BRPF1: variants seen among roughly 807,000 people sequenced by gnomAD.
The protein encoded by BRPF1 is peregrin.
A neutral mutation model predicts 115.0 loss-of-function variants in BRPF1; 15 were observed. The observed-to-expected ratio is 0.13, with a 90% CI of 0.09 to 0.20. The LOEUF (loss-of-function observed/expected upper bound fraction) is 0.20. Ranked by LOEUF, BRPF1 falls within the 10% of genes least tolerant of loss-of-function variation. BRPF1 has a pLI of 1.00. For missense variants in BRPF1, 1,118 were observed against 1,638.3 expected (o/e 0.68, Z 5.48); for synonymous variants, 647 against 619.8 (o/e 1.04, Z -0.65).
At chr3:9,741,722 G>A (rs12498111) in intron 5 of BRPF1, among the ~76,000 whole-genome samples, 4,684 of 152,142 alleles carry the variant, frequency 0.031, 103 homozygotes, top group Middle Eastern at 0.066. Flanking sequence ...CTGGAGTCAG[G>A]TCTCCTGGTG....
chr3:9,738,588 C>A (rs921055912), intron 2 of BRPF1, among the ~76,000 whole-genome samples: 3 of 152,118 alleles, frequency 2.0e-5, no homozygotes, highest in Non-Finnish European at 2.9e-5. Flanking sequence ...CTTCCTTCTT[C>A]CCCGATTCTT....
At position 9,747,113 on chromosome 3, in the gene BRPF1, C is replaced by T. The variant is rs2077141195; in HGVS notation, c.3480-53C>T. The T allele has an allele frequency of 1.9e-5, 30 of 1,596,692 alleles. No individual in the cohort carries two copies. Among genetic ancestry groups the T allele is most frequent in the Non-Finnish European group, 2.4e-5 (28 of 1,167,590 alleles). Reference sequence around the variant, plus strand: ...TGTTTGAGTGAATAGAGGAGGAAGGCTGGTCCTTGTTCTCCCTGAGATGAT... The same window carrying T: ...TGTTTGAGTGAATAGAGGAGGAAGGTTGGTCCTTGTTCTCCCTGAGATGAT... On this transcript the variant is annotated intron_variant, in intron 13 of 13. Coordinates refer to ENST00000383829, the MANE Select transcript of BRPF1 (RefSeq NM_001003694.2). This position sits in a 1 kb window ranked among gnomAD's most constrained non-coding sequence, Gnocchi z 5.6.
chr3:9,742,958 A>G lies in BRPF1; in HGVS notation c.2016A>G (p.Leu672=). Residue 672 remains leucine (L), a synonymous_variant, in exon 7 of 14, where the codon CTA becomes CTG. Transcript: ENST00000383829. Reference sequence around the variant, plus strand: ...TGCCCTTCCAGGTACCTGACTACCTAGACCACATCAAAAAGCCCATGGACT... The same window carrying G: ...TGCCCTTCCAGGTACCTGACTACCTGGACCACATCAAAAAGCCCATGGACT... ...VTELDEVPDY[L]DHIKKPMDFF... 6.2e-7 allele frequency: 1 copy of G among 1,614,102 alleles called. No homozygotes were observed. The highest frequency in any genetic ancestry group is 1.1e-5 in the South Asian group (1 of 91,074).
intron 3 of BRPF1, among the ~76,000 whole-genome samples, chr3:9,740,351 A>G (rs1559660950): frequency 6.6e-6 from 1 of 152,220 alleles, no homozygotes; most frequent in African/African-American, 2.4e-5. Flanking sequence ...ACTGCTGCTC[A>G]TTTGGGCTGT....
chr3:9,739,151 G>A lies in BRPF1; in HGVS notation c.752G>A (p.Arg251Gln), dbSNP rs771233339. 1 of 1,613,986 alleles carries A rather than the reference G, an allele frequency of 6.2e-7. No individual in the cohort carries two copies. Reference sequence around the variant, plus strand: ...GAGATCTTTGAGTACCTAATGGACCGACTGGAGAAGGAGTCGTACTTTGAG... The same window carrying A: ...GAGATCTTTGAGTACCTAATGGACCAACTGGAGAAGGAGTCGTACTTTGAG... ...PQEIFEYLMD[R>Q]LEKESYFESH... is the part of the protein sequence containing the mutation. The change falls in exon 3 of 14, where the codon CGA becomes CAA. Residue 251 changes from arginine (R) to glutamine (Q), a missense_variant. By Grantham distance (43) the Arg-to-Gln change is conservative. Transcript: ENST00000383829.
Position 9,734,850 on chromosome 3 carries a change from A to G in BRPF1, c.599+111A>G, listed in dbSNP as rs939832264. On this transcript the variant is annotated intron_variant, in intron 2 of 13. Coordinates refer to ENST00000383829, the MANE Select transcript of BRPF1 (RefSeq NM_001003694.2). The surrounding 1 kb of genome is among the most constrained non-coding windows in gnomAD (Gnocchi z 5.7). Reference sequence around the variant, plus strand: ...AGTGACAGGAATAAAGAATAGTGAAAGAACACTGATTTTGCCAGGGCAGTG... The same window carrying G: ...AGTGACAGGAATAAAGAATAGTGAAGGAACACTGATTTTGCCAGGGCAGTG... The G allele has an allele frequency of 1.2e-5, 17 of 1,395,524 alleles. No homozygotes were observed. Among genetic ancestry groups the G allele is most frequent in the African/African-American group, 4.3e-5 (3 of 69,770 alleles). The allele number at this position is 1,395,524 out of a possible 1,614,324, so 86.4% of individuals were successfully genotyped here. A position where few individuals can be genotyped will look rare whatever the true frequency, so the allele number is the denominator to read the frequency against.
intron 3 of BRPF1, 101 bp downstream of exon 3, chr3:9,740,059 C>G: frequency 8.3e-6 from 12 of 1,437,216 alleles, no homozygotes; most frequent in Non-Finnish European, 1.1e-5. Context: ...GGCTATCTTC[C>G]CAGGAGCTGC....
rs150134463 is a variant in BRPF1 at position 9,734,412 on chromosome 3, G to T, written c.272G>T (p.Ser91Ile). 2 of 1,614,024 alleles carry T rather than the reference G, an allele frequency of 1.2e-6. No homozygotes were observed. Among genetic ancestry groups the T allele is most frequent in the African/African-American group, 2.7e-5 (2 of 74,896 alleles). Reference sequence around the variant, plus strand: ...CAGTCACCAGGCCGTGAGGTGATGAGCTATGCACAGGCCCAGCGCATGGTG... The same window carrying T: ...CAGTCACCAGGCCGTGAGGTGATGATCTATGCACAGGCCCAGCGCATGGTG... ...VSQSPGREVMSYAQAQRMVEV... is the reference protein window; with the variant it reads ...VSQSPGREVMIYAQAQRMVEV... Residue 91 changes from serine to isoleucine, a missense_variant, in exon 2 of 14, where the codon AGC becomes ATC. Coordinates refer to ENST00000383829, the MANE Select transcript of BRPF1 (RefSeq NM_001003694.2). The surrounding 1 kb of genome is among the most constrained non-coding windows in gnomAD (Gnocchi z 5.7).
chr3:9,744,202 C>T (rs1575164967), intron 8 of BRPF1, 22 bp from the exon 9 acceptor site: 1 of 1,515,690 alleles, frequency 6.6e-7, no homozygotes, highest in Non-Finnish European at 8.8e-7. Flanking sequence ...ACCAACTCTC[C>T]TTCTTTCTTT....
intron 4 of BRPF1, 30 bp from the exon 5 acceptor site, chr3:9,741,278 C>A: frequency 6.5e-7 from 1 of 1,537,704 alleles, no homozygotes; most frequent in South Asian, 1.2e-5. Context: ...GCTTTCTAAT[C>A]ATCCTCTGAT....
Position 9,740,215 on chromosome 3 carries a change from TTTG to T in BRPF1, c.1559+260_1559+262del, listed in dbSNP as rs1391129317. 1.2e-4 allele frequency among the ~76,000 whole-genome samples: 18 copies of T among 152,148 alleles called. 1 individual carries two copies. The highest frequency in any genetic ancestry group is 4.3e-4 in the African/African-American group (18 of 41,420). The stretch of plus-strand genomic sequence containing the variant: ...ACTGCCCTTCATTTTGATGGTGTGG[TTTG>T]TTAAGTTGGGATGGAAGAGGATGGA... On this transcript the variant is annotated intron_variant, in intron 3 of 13. Coordinates refer to ENST00000383829, the MANE Select transcript of BRPF1 (RefSeq NM_001003694.2).
chr3:9,743,574 CT>C lies in BRPF1; in HGVS notation c.2312-3del, dbSNP rs1412105100. 6.2e-6 allele frequency: 10 copies of C among 1,610,488 alleles called. No homozygotes were observed. Among genetic ancestry groups the C allele is most frequent in the Non-Finnish European group, 8.5e-6 (10 of 1,177,860 alleles). On this transcript the variant is annotated splice_polypyrimidine_tract_variant and splice_region_variant and intron_variant, in intron 7 of 13. Coordinates refer to ENST00000383829, the MANE Select transcript of BRPF1 (RefSeq NM_001003694.2). The surrounding 1 kb of genome is among the most constrained non-coding windows in gnomAD (Gnocchi z 6.1). Reference sequence around the variant, plus strand: ...TGACCTTTCCCCTCCAACCCTACCCCTAGCAGCCGAGGAAGAGCGGCTGGTC... The same window carrying C: ...TGACCTTTCCCCTCCAACCCTACCCCAGCAGCCGAGGAAGAGCGGCTGGTC...
At chr3:9,737,463 A>G (rs898295364) in intron 2 of BRPF1, among the ~76,000 whole-genome samples, 4 of 152,332 alleles carry the variant, frequency 2.6e-5, no homozygotes, top group Admixed American at 1.3e-4. Flanking sequence ...TAGCATCACC[A>G]CTTTACAGAT....
chr3:9,745,578 C>G lies in BRPF1; in HGVS notation c.3074C>G (p.Thr1025Arg). The G allele has an allele frequency of 6.2e-7, 1 of 1,614,144 alleles. No homozygotes were observed. Among genetic ancestry groups the G allele is most frequent in the Non-Finnish European group, 8.5e-7 (1 of 1,179,962 alleles). ...SSAASDRTST[T>R]PSKQGRGKPS... The stretch of plus-strand genomic sequence containing the variant: ...TCCCATTGTCTTGTCCACAGCACAA[C>G]GCCCTCAAAACAAGGCCGGGGCAAA... Residue 1025 changes from threonine to arginine, a missense_variant, in exon 11 of 14, where the codon ACG (threonine) becomes AGG (arginine). Transcript: ENST00000383829. This position sits in a 1 kb window ranked among gnomAD's most constrained non-coding sequence, Gnocchi z 5.1.
chr3:9,732,390 C>T (rs992719970), intron 1 of BRPF1: 2 of 152,212 alleles, frequency 1.3e-5, no homozygotes, highest in African/African-American at 4.8e-5. Context: ...CCGCCGCATC[C>T]GGAGAGTGGG....
Position 9,739,912 on chromosome 3 carries a change from C to A in BRPF1, c.1513C>A (p.Arg505=). 6.3e-7 allele frequency: 1 copy of A among 1,581,150 alleles called. No homozygotes were observed. Among genetic ancestry groups the A allele is most frequent in the Non-Finnish European group, 8.6e-7 (1 of 1,163,948 alleles). The change falls in exon 3 of 14, where the codon CGG becomes AGG. Residue 505 remains arginine (R), a synonymous_variant. Coordinates refer to ENST00000383829, the MANE Select transcript of BRPF1 (RefSeq NM_001003694.2). ...GGCACGGAAGATCCTGGCAGAGAAGCGGGCAGCAGCACCTGTGGTGTCAGT... is the reference window on the plus strand; with the variant it reads ...GGCACGGAAGATCCTGGCAGAGAAGAGGGCAGCAGCACCTGTGGTGTCAGT... ...KKARKILAEK[R]AAAPVVSVPC... is the part of the protein sequence containing the mutation.
Position 9,734,131 on chromosome 3 carries a change from A to T in BRPF1, c.-10A>T. ...ATGTTAACTGATCTGTGTATTCTAG[A>T]TGTGACAGCATGGGGGTGGACTTTG... On this transcript the variant is annotated splice_region_variant and 5_prime_UTR_variant, in exon 2 of 14. An upstream start codon of the reference 5' UTR is lost. Transcript: ENST00000383829. This position sits in a 1 kb window ranked among gnomAD's most constrained non-coding sequence, Gnocchi z 5.7. 1 of 1,592,388 alleles carries T rather than the reference A, an allele frequency of 6.3e-7. No individual in the cohort carries two copies. The highest frequency in any genetic ancestry group is 1.3e-5 in the African/African-American group (1 of 74,490).
intron 2 of BRPF1, among the ~76,000 whole-genome samples, chr3:9,737,832 G>C (rs1177004646): frequency 6.6e-6 from 1 of 152,164 alleles, no homozygotes; most frequent in African/African-American, 2.4e-5. Context: ...ACTGGGCAAG[G>C]TAGTATATAA....
intron 2 of BRPF1, among the ~76,000 whole-genome samples, chr3:9,737,938 C>T (rs2076969049): frequency 6.6e-6 from 1 of 152,160 alleles, no homozygotes; most frequent in African/African-American, 2.4e-5. Flanking sequence ...TATCCTCGTT[C>T]TGTCATCAGT....
Sources: allele counts gnomAD v4.1 joint callset (sites outside exome capture counted in the v4.1 genomes callset), GRCh38; gene constraint gnomAD v4.1.1; non-coding constraint Gnocchi (gnomAD v3.1); transcripts MANE v1.5; gene names NCBI Gene and HGNC (gene_info 2026-07-23, HGNC 2026-07-21).